The following MED13 variants were observed in gnomAD, a reference collection of about 807,000 sequenced individuals.
MED13 encodes mediator of RNA polymerase II transcription subunit 13.
MED13 carries 23 observed loss-of-function variants against 225.2 expected under a neutral mutation model. That is an observed-to-expected ratio of 0.10 (90% confidence interval 0.07 to 0.14). MED13 has a LOEUF of 0.14. Ranked by LOEUF, MED13 falls within the 10% of genes least tolerant of loss-of-function variation. The probability of loss-of-function intolerance (pLI) is 1.00; values close to 1 mark genes in which losing one functional copy is unlikely to be tolerated. For missense variants in MED13, 2,197 were observed against 2,594.5 expected, an observed-to-expected ratio of 0.85 and a Z score of 3.33; for synonymous variants, 942 against 889.2, an observed-to-expected ratio of 1.06 and a Z score of -1.06.
intron 11 of MED13, among the ~76,000 whole-genome samples, chr17:61,990,596 T>C (rs1330943515): frequency 6.8e-6 from 1 of 146,648 alleles, no homozygotes; most frequent in Admixed American, 7.0e-5. Flanking sequence ...TCACTATATA[T>C]ATATATACAC....
chr17:61,997,002 A>T (rs896065264), intron 9 of MED13, among the ~76,000 whole-genome samples: 1 of 152,168 alleles, frequency 6.6e-6, no homozygotes, highest in African/African-American at 2.4e-5. Flanking sequence ...TGAAATAAAC[A>T]ATTTTTACAC....
intron 16 of MED13, among the ~76,000 whole-genome samples, chr17:61,978,970 T>C (rs980832956): frequency 6.6e-6 from 1 of 152,178 alleles, no homozygotes; most frequent in African/African-American, 2.4e-5. Context: ...AACTAGAACA[T>C]TACCAAAAAC....
At position 62,011,102 on chromosome 17, in the gene MED13, G is replaced by A. The variant is rs1415057947; in HGVS notation, c.1415C>T (p.Pro472Leu). Residue 472 changes from proline to leucine, a missense_variant, in exon 9 of 30, where the codon CCC becomes CTC. Coordinates refer to ENST00000397786, the MANE Select transcript of MED13 (RefSeq NM_005121.3). ...QEKSEKPQKR[P>L]LTPFHHRVSV... The stretch of plus-strand genomic sequence containing the variant: ...CACACGATGGTGAAAAGGAGTCAAG[G>A]GGCGTTTCTGTGGCTTTTCACTCTT... 1 of 1,614,148 alleles carries A rather than the reference G, an allele frequency of 6.2e-7. No homozygotes were observed. Among genetic ancestry groups the A allele is most frequent in the Non-Finnish European group, 8.5e-7 (1 of 1,180,016 alleles).
intron 9 of MED13, among the ~76,000 whole-genome samples, chr17:61,996,847 A>C (rs2080351069): frequency 6.6e-6 from 1 of 152,184 alleles, no homozygotes; most frequent in African/African-American, 2.4e-5. Context: ...CAGGGGTCTA[A>C]CCTTTGTTCA....
At chr17:61,957,261 G>A (rs185013845) in intron 23 of MED13, among the ~76,000 whole-genome samples, 26 of 152,158 alleles carry the variant, frequency 1.7e-4, no homozygotes, top group African/African-American at 5.3e-4. Flanking sequence ...TGGCCAGGCT[G>A]GTCTCAACTC....
At chr17:62,015,717 G>A (rs1158124559) in intron 8 of MED13, among the ~76,000 whole-genome samples, 1 of 146,764 alleles carries the variant, frequency 6.8e-6, no homozygotes, top group African/African-American at 2.5e-5. Context: ...GGGATTACAG[G>A]CACCTGCCAC....
In MED13 at chr17:62,008,016, CAAAAA is replaced by C. The variant is rs60236710; in HGVS notation, c.1967+2529_1967+2533del. Among the ~76,000 whole-genome samples, 303 of 50,506 alleles carry C rather than the reference CAAAAA, an allele frequency of 6.0e-3. 6 individuals carry two copies. Among genetic ancestry groups the C allele is most frequent in the Middle Eastern group, 0.028 (2 of 72 alleles). 33.1% of individuals were successfully genotyped at this position (50,506 alleles called of 152,430 possible). ...CCTGGAGGAAAGAGCGAGACTGTCTCAAAAAAAAAAAAAAAAAAAAGCTGTGCGCA... is the reference window on the plus strand; with the variant it reads ...CCTGGAGGAAAGAGCGAGACTGTCTCAAAAAAAAAAAAAAAGCTGTGCGCA... On this transcript the variant is annotated intron_variant, in intron 9 of 29. Coordinates refer to ENST00000397786, the MANE Select transcript of MED13 (RefSeq NM_005121.3).
chr17:61,954,191 T>C (rs1465672995), intron 26 of MED13, among the ~76,000 whole-genome samples: 2 of 152,180 alleles, frequency 1.3e-5, no homozygotes, highest in South Asian at 2.1e-4. Context: ...CGAGTTATTA[T>C]ATAACACACG....
At chr17:62,017,929 C>T (rs2080599068) in intron 8 of MED13, among the ~76,000 whole-genome samples, 1 of 152,144 alleles carries the variant, frequency 6.6e-6, no homozygotes, top group South Asian at 2.1e-4. Context: ...TAGCTTTTTT[C>T]ATGAAACACC....
chr17:61,947,131 A>G (rs1226161922), intron 28 of MED13, 114 bp from the exon 29 acceptor site: 2 of 615,152 alleles, frequency 3.3e-6, no homozygotes, highest in East Asian at 3.1e-5. Flanking sequence ...TTTTAGTCCT[A>G]TGTTATGAAT....
chr17:62,019,214 C>A (rs1313256419), intron 8 of MED13, among the ~76,000 whole-genome samples: 2 of 152,222 alleles, frequency 1.3e-5, no homozygotes, highest in African/African-American at 4.8e-5. Context: ...AAGAATTCAA[C>A]TATCTTACTA....
intron 21 of MED13, among the ~76,000 whole-genome samples, chr17:61,962,301 C>T (rs535128559): frequency 6.6e-6 from 1 of 151,996 alleles, no homozygotes; most frequent in Non-Finnish European, 1.5e-5. Flanking sequence ...AAAACAACAA[C>T]AAAAAACTGT....
intron 16 of MED13, among the ~76,000 whole-genome samples, chr17:61,979,987 G>A (rs1401204020): frequency 6.6e-6 from 1 of 152,112 alleles, no homozygotes; most frequent in Non-Finnish European, 1.5e-5. Context: ...TCAGGAGTTC[G>A]AGACCAGCCT....
At chr17:61,975,421 T>G (rs1339497303) in intron 16 of MED13, among the ~76,000 whole-genome samples, 1 of 152,148 alleles carries the variant, frequency 6.6e-6, no homozygotes, top group African/African-American at 2.4e-5. Flanking sequence ...TCACACAAAG[T>G]ATCACAATGA....
intron 17 of MED13, among the ~76,000 whole-genome samples, chr17:61,970,812 C>A (rs1210377724): frequency 7.2e-6 from 1 of 139,000 alleles, no homozygotes; most frequent in Admixed American, 7.5e-5. Flanking sequence ...ATCACTAGGG[C>A]CCAGGAGTTG....
rs1335956503 is a variant in MED13 at position 62,003,623 on chromosome 17, C to CAAAAAAAAAAAAAAAAAAAAAA, written c.1967+6926_1967+6927insTTTTTTTTTTTTTTTTTTTTTT. ...TCAAAAAAAAAAAAAAAAAAAAAAG[C>CAAAAAAAAAAAAAAAAAAAAAA]AAAAAGTGAACTGTGACATGATACA... On this transcript the variant is annotated intron_variant, in intron 9 of 29. Coordinates refer to ENST00000397786, the MANE Select transcript of MED13 (RefSeq NM_005121.3). 9.3e-5 allele frequency: 8 copies of CAAAAAAAAAAAAAAAAAAAAAA among 86,078 alleles called. No homozygotes were observed. In the South Asian group the frequency reaches 1.3e-3, roughly 14 times the overall value. The allele number at this position is 86,078 out of a possible 1,614,324, so 5.3% of individuals were successfully genotyped here.
rs566716436 is a variant in MED13, at chr17:61,972,664, T to C, written c.3967+63A>G. On this transcript the variant is annotated intron_variant, in intron 17 of 29. Transcript: ENST00000397786. ...AGAAAACTAATGTGCTTATTCTAGT[T>C]GGGCACAGAAATCTGAGGACTGATA... is the stretch of plus-strand genomic sequence containing the variant. 174 of 1,382,710 alleles carry C rather than the reference T, an allele frequency of 1.3e-4. No individual in the cohort carries two copies. In the South Asian group the frequency reaches 2.4e-3, roughly 19 times the overall value. The allele number at this position is 1,382,710 out of a possible 1,614,324, so 85.7% of individuals were successfully genotyped here. A position where few individuals can be genotyped will look rare whatever the true frequency, so the allele number is the denominator to read the frequency against.
At chr17:61,968,011 T>G in intron 18 of MED13, 24 bp downstream of exon 18, 1 of 1,550,876 alleles carries the variant, frequency 6.4e-7, no homozygotes, top group Non-Finnish European at 8.9e-7. Context: ...AGTTTTAAAA[T>G]GTCATCTCTT....
In MED13 at chr17:62,063,158, C is replaced by A; in HGVS notation, c.210G>T (p.Arg70=). The change falls in exon 2 of 30, where the codon CGG becomes CGT. Residue 70 remains arginine (R), a synonymous_variant. Coordinates refer to ENST00000397786, the MANE Select transcript of MED13 (RefSeq NM_005121.3). ...CTCTTCTTCCAGGTCTTTGATCTCGCCGCCAAACACCAAGTACATCTGCCT... is the reference window on the plus strand; with the variant it reads ...CTCTTCTTCCAGGTCTTTGATCTCGACGCCAAACACCAAGTACATCTGCCT... ...CLKADVLGVW[R]RDQRPGRREL... is the part of the protein sequence containing the mutation. 1.2e-6 allele frequency: 2 copies of A among 1,614,148 alleles called. No homozygotes were observed. The highest frequency in any genetic ancestry group is 2.2e-5 in the South Asian group (2 of 91,084).
Sources: allele counts gnomAD v4.1 joint callset (sites outside exome capture counted in the v4.1 genomes callset), GRCh38; gene constraint gnomAD v4.1.1; transcripts MANE v1.5; gene names NCBI Gene and HGNC (gene_info 2026-07-23, HGNC 2026-07-21).